The following AP1G1 variants were observed in gnomAD, a reference collection of about 807,000 sequenced individuals.
The protein encoded by AP1G1 is AP-1 complex subunit gamma-1.
A neutral mutation model predicts 108.3 loss-of-function variants in AP1G1; 7 were observed. That is an observed-to-expected ratio of 0.06 (90% CI 0.04 to 0.12). The LOEUF is 0.12. Among genes scored for constraint, AP1G1 ranks in the 10% least tolerant of loss-of-function variants. The pLI, the probability that AP1G1 is intolerant of heterozygous loss-of-function variation, is 1.00. For missense variants in AP1G1, 756 were observed against 1,010.7 expected (o/e 0.75, Z 3.42); for synonymous variants, 379 against 353.5 (o/e 1.07, Z -0.81).
chr16:71,763,625 T>A (rs184374393), intron 9 of AP1G1, among the ~76,000 whole-genome samples: 166 of 152,314 alleles, frequency 1.1e-3, no homozygotes, highest in African/African-American at 3.4e-3. Flanking sequence ...GAACAATATA[T>A]ATGGTATGTT....
At position 71,731,553 on chromosome 16, in the gene AP1G1, A is replaced by AC. The variant is rs1567636592; in HGVS notation, c.*1504_*1505insG. 6.6e-6 allele frequency: 1 copy of AC among 152,638 alleles called. No individual in the cohort carries two copies. Among genetic ancestry groups the AC allele is most frequent in the Non-Finnish European group, 1.5e-5 (1 of 68,048 alleles). The allele number at this position is 152,638 out of a possible 1,614,324, so 9.5% of individuals were successfully genotyped here. ...GCCTCACTTTTTCTTTCTTCAGTAT[A>AC]TAAGACATGGCGCCTGAATACTTGA... On this transcript the variant is annotated 3_prime_UTR_variant, in exon 23 of 23. Coordinates refer to ENST00000299980, the MANE Select transcript of AP1G1 (RefSeq NM_001128.6).
At chr16:71,800,369 T>G (rs1414853551) in intron 1 of AP1G1, among the ~76,000 whole-genome samples, 1 of 99,426 alleles carries the variant, frequency 1.0e-5, no homozygotes, top group Non-Finnish European at 1.9e-5. Flanking sequence ...AGACTCCCCA[T>G]CTCAAAAAAA....
intron 12 of AP1G1, among the ~76,000 whole-genome samples, chr16:71,755,432 G>A (rs1485275923): frequency 2.0e-5 from 3 of 151,818 alleles, no homozygotes; most frequent in Non-Finnish European, 4.4e-5. Flanking sequence ...GTGAGACCCT[G>A]TCTCAAAAAA....
At chr16:71,791,707 G>C (rs145092630) in intron 1 of AP1G1, among the ~76,000 whole-genome samples, 57 of 146,496 alleles carry the variant, frequency 3.9e-4, no homozygotes, top group African/African-American at 1.3e-3. Flanking sequence ...TGTGTAATGG[G>C]TATATTAAGA....
intron 22 of AP1G1, 186 bp downstream of exon 22, chr16:71,734,422 CT>C (rs2045507790): frequency 1.8e-6 from 1 of 543,068 alleles, no homozygotes; most frequent in Non-Finnish European, 3.3e-6. Flanking sequence ...TAAGATGCCA[CT>C]AAGCCACCTG....
At chr16:71,758,623 C>A (rs1284591834) in intron 11 of AP1G1, 185 bp downstream of exon 11, 5 of 602,820 alleles carry the variant, frequency 8.3e-6, no homozygotes, top group African/African-American at 5.5e-5. Context: ...CTTCTCCCTG[C>A]CAATCCTTTC....
chr16:71,789,164 C>T (rs1277672571), intron 2 of AP1G1, 115 bp downstream of exon 2: 1 of 956,552 alleles, frequency 1.0e-6, no homozygotes, highest in African/African-American at 1.6e-5. Context: ...CTCAGTTCCA[C>T]AATGATCAGA....
At chr16:71,805,346 G>A (rs2032962039) in intron 1 of AP1G1, among the ~76,000 whole-genome samples, 1 of 152,022 alleles carries the variant, frequency 6.6e-6, no homozygotes, top group Non-Finnish European at 1.5e-5. Context: ...TACTCGGGAG[G>A]CTGAGGCAGC....
At chr16:71,786,064 A>G (rs991548861) in intron 2 of AP1G1, among the ~76,000 whole-genome samples, 4 of 152,216 alleles carry the variant, frequency 2.6e-5, no homozygotes, top group Non-Finnish European at 5.9e-5. Flanking sequence ...AGGAAACAGA[A>G]TAAGAACTTA....
chr16:71,788,697 T>C (rs1253969382), intron 2 of AP1G1, among the ~76,000 whole-genome samples: 1 of 152,026 alleles, frequency 6.6e-6, no homozygotes, highest in Non-Finnish European at 1.5e-5. Flanking sequence ...TCTTACTCTA[T>C]TGCCCAGGCT....
At chr16:71,796,512 C>T (rs959511951) in intron 1 of AP1G1, among the ~76,000 whole-genome samples, 2 of 152,120 alleles carry the variant, frequency 1.3e-5, no homozygotes, top group African/African-American at 2.4e-5. Flanking sequence ...AGGAGAAAAG[C>T]ATATCCCCCC....
intron 19 of AP1G1, 75 bp from the exon 20 acceptor site, chr16:71,739,416 T>G (rs2045589745): frequency 8.5e-7 from 1 of 1,179,860 alleles, no homozygotes; most frequent in African/African-American, 1.6e-5. Flanking sequence ...TAGGGAAAAT[T>G]ATTTCGGTCT....
chr16:71,769,585 C>G, intron 6 of AP1G1, 38 bp downstream of exon 6: 1 of 1,555,450 alleles, frequency 6.4e-7, no homozygotes, highest in South Asian at 1.1e-5. Flanking sequence ...AATCATTTTT[C>G]AATCAAGAAA....
chr16:71,792,611 G>A (rs746753890), intron 1 of AP1G1, among the ~76,000 whole-genome samples: 2 of 152,120 alleles, frequency 1.3e-5, no homozygotes, highest in Non-Finnish European at 2.9e-5. Context: ...CTAGCACTTT[G>A]GGAGCATTGA....
intron 9 of AP1G1, 66 bp downstream of exon 9, chr16:71,764,284 G>T (rs778809179): frequency 5.6e-6 from 5 of 890,640 alleles, no homozygotes; most frequent in African/African-American, 1.7e-5. Flanking sequence ...CTGAAGTACT[G>T]AAGTCCAAGT....
chr16:71,783,956 AT>A (rs2145512532), intron 2 of AP1G1, among the ~76,000 whole-genome samples: 1 of 152,298 alleles, frequency 6.6e-6, no homozygotes. Context: ...TAGATAATTC[AT>A]TAATATTTCT....
chr16:71,752,018 C>T (rs1255850819), intron 13 of AP1G1, among the ~76,000 whole-genome samples: 1 of 152,042 alleles, frequency 6.6e-6, no homozygotes, highest in Admixed American at 6.6e-5. Flanking sequence ...CAAATCAAAC[C>T]CAACAAAGTT....
At chr16:71,765,657 T>C (rs779744810) in intron 6 of AP1G1, 73 bp from the exon 7 acceptor site, 2 of 1,272,362 alleles carry the variant, frequency 1.6e-6, no homozygotes, top group Admixed American at 1.7e-5. Flanking sequence ...GGTCCTTTGG[T>C]TTAGAAAAAG....
intron 2 of AP1G1, among the ~76,000 whole-genome samples, chr16:71,776,269 A>G (rs1315506067): frequency 1.3e-5 from 2 of 152,242 alleles, no homozygotes; most frequent in Non-Finnish European, 2.9e-5. Flanking sequence ...AAAAACATCT[A>G]AAGTTAGCTG....
Sources: gnomAD v4.1 joint callset for allele counts (sites outside exome capture counted in the v4.1 genomes callset) on GRCh38, gnomAD v4.1.1 for gene constraint, MANE v1.5 for transcripts, NCBI Gene and HGNC (gene_info 2026-07-23, HGNC 2026-07-21) for gene names.